The following ATP9B variants were observed in gnomAD, a reference collection of about 807,000 sequenced individuals.
The protein encoded by ATP9B is probable phospholipid-transporting ATPase IIB.
A neutral mutation model predicts 146.1 loss-of-function variants in ATP9B; 110 were observed. The observed-to-expected ratio is 0.75, with a 90% confidence interval of 0.65 to 0.88. ATP9B has a LOEUF of 0.88. Among genes scored for constraint, ATP9B ranks in the 40% least tolerant of loss-of-function variants. The pLI is 0.00. For synonymous variants in ATP9B, 604 were observed against 569.7 expected, an observed-to-expected ratio of 1.06 and a Z score of -0.86; for missense variants, 1,499 against 1,496.4, an observed-to-expected ratio of 1.00 and a Z score of -0.03.
chr18:79,163,210 G>A (rs1243391140), intron 7 of ATP9B, among the ~76,000 whole-genome samples: 2 of 152,140 alleles, frequency 1.3e-5, no homozygotes, highest in African/African-American at 2.4e-5. Flanking sequence ...TTATTGAAAG[G>A]TTAGTATTTT....
intron 7 of ATP9B, among the ~76,000 whole-genome samples, chr18:79,170,956 C>G (rs1329478712): frequency 3.3e-5 from 5 of 152,138 alleles, no homozygotes; most frequent in East Asian, 3.8e-4. Flanking sequence ...CTTGTTTTTG[C>G]CTTGGCTGTG....
chr18:79,278,742 C>T (rs1400430016), intron 13 of ATP9B, among the ~76,000 whole-genome samples: 1 of 152,106 alleles, frequency 6.6e-6, no homozygotes, highest in East Asian at 1.9e-4. Flanking sequence ...CCCAGTGACT[C>T]GGAGAGCAAT....
intron 7 of ATP9B, among the ~76,000 whole-genome samples, chr18:79,171,276 C>G (rs975009864): frequency 7.2e-5 from 11 of 151,752 alleles, no homozygotes; most frequent in African/African-American, 2.7e-4. Context: ...TGTTCATTTC[C>G]AAAATTTAAG....
chr18:79,197,130 C>A (rs1425760947), intron 9 of ATP9B, among the ~76,000 whole-genome samples: 1 of 152,120 alleles, frequency 6.6e-6, no homozygotes, highest in East Asian at 1.9e-4. Flanking sequence ...AGACAATATT[C>A]TCTGATCACA....
chr18:79,086,643 A>G (rs2073864041), intron 1 of ATP9B, among the ~76,000 whole-genome samples: 1 of 152,074 alleles, frequency 6.6e-6, no homozygotes, highest in Admixed American at 6.6e-5. Flanking sequence ...TTGGGTTTGC[A>G]TTTATATAAC....
chr18:79,339,070 ATGTCATGTTCGCAGTAGGAAGTG>A (rs1301803268), intron 19 of ATP9B, among the ~76,000 whole-genome samples: 2 of 152,000 alleles, frequency 1.3e-5, no homozygotes, highest in African/African-American at 4.8e-5. Context: ...AGTAGGAAGT[ATGTCATGTTCGCAGTAGGAAGTG>A]TGTCATGATC....
At chr18:79,223,423 G>A (rs1263223757) in intron 11 of ATP9B, among the ~76,000 whole-genome samples, 2 of 152,204 alleles carry the variant, frequency 1.3e-5, no homozygotes, top group South Asian at 4.2e-4. Flanking sequence ...ATACCGTAGA[G>A]TTTAAATACT....
intron 4 of ATP9B, among the ~76,000 whole-genome samples, chr18:79,120,480 T>C (rs2094169816): frequency 6.6e-6 from 1 of 152,226 alleles, no homozygotes; most frequent in South Asian, 2.1e-4. Context: ...ATATTATTTA[T>C]TAGCTTTAGG....
rs56408063 is a variant in ATP9B, at chr18:79,163,869, T to TACACACACACACACACACACACAC, written c.778+9328_778+9351dup. 5.5e-4 allele frequency among the ~76,000 whole-genome samples: 78 copies of TACACACACACACACACACACACAC among 142,778 alleles called. 1 individual carries two copies. The highest frequency in any genetic ancestry group is 1.6e-3 in the Admixed American group (23 of 14,082). The allele number at this position is 142,778 out of a possible 152,430, so 93.7% of individuals were successfully genotyped here. ...TATTTTATTTTCATATTTTATTTTA[T>TACACACACACACACACACACACAC]ACACACACACACACACACACACACA... On this transcript the variant is annotated intron_variant, in intron 7 of 29. Transcript: ENST00000426216.
At position 79,339,261 on chromosome 18, in the gene ATP9B, G is replaced by GATCACAGTAGGAAGTGTGTC. The variant is rs1442252378; in HGVS notation, c.2283+1815_2283+1834dup. On this transcript the variant is annotated intron_variant, in intron 19 of 29. Coordinates refer to ENST00000426216, the MANE Select transcript of ATP9B (RefSeq NM_198531.5). Reference sequence around the variant, plus strand: ...ATGATCATAGTAGGAAGTATGTCATGATCACAGTAGGAAGTGTGTCATGAT... The same window carrying GATCACAGTAGGAAGTGTGTC: ...ATGATCATAGTAGGAAGTATGTCATGATCACAGTAGGAAGTGTGTCATCACAGTAGGAAGTGTGTCATGAT... Among the ~76,000 whole-genome samples the GATCACAGTAGGAAGTGTGTC allele has an allele frequency of 5.3e-5, 8 of 152,100 alleles. No individual in the cohort carries two copies. The East Asian group carries it at 5.8e-4, about 11-fold the overall frequency.
At chr18:79,110,589 C>A in intron 3 of ATP9B, 84 bp downstream of exon 3, 1 of 1,343,632 alleles carries the variant, frequency 7.4e-7, no homozygotes, top group Non-Finnish European at 1.0e-6. Flanking sequence ...TGTTGAGACT[C>A]TGACTTAGGT....
intron 11 of ATP9B, among the ~76,000 whole-genome samples, chr18:79,243,873 C>T (rs1383249423): frequency 6.6e-6 from 1 of 152,188 alleles, no homozygotes; most frequent in African/African-American, 2.4e-5. Context: ...CTTGCACAAA[C>T]CATTAAATAT....
At chr18:79,265,500 A>C (rs750089582) in intron 12 of ATP9B, among the ~76,000 whole-genome samples, 12 of 152,108 alleles carry the variant, frequency 7.9e-5, no homozygotes, top group Non-Finnish European at 1.5e-4. Flanking sequence ...TCTTTTGAAA[A>C]GTGTCTTTTT....
At chr18:79,174,936 C>T (rs1236661861) in intron 7 of ATP9B, among the ~76,000 whole-genome samples, 5 of 152,096 alleles carry the variant, frequency 3.3e-5, no homozygotes, top group Non-Finnish European at 5.9e-5. Context: ...CGTGGTGGCT[C>T]ACACCTGTAA....
chr18:79,148,755 C>T (rs2094633685), intron 6 of ATP9B, among the ~76,000 whole-genome samples: 1 of 152,158 alleles, frequency 6.6e-6, no homozygotes, highest in Admixed American at 6.5e-5. Flanking sequence ...ATAAAAATGT[C>T]TCAATTTGCA....
At chr18:79,201,240 G>A (rs915731121) in intron 9 of ATP9B, among the ~76,000 whole-genome samples, 2 of 151,944 alleles carry the variant, frequency 1.3e-5, no homozygotes, top group African/African-American at 4.8e-5. Context: ...TTATTTTGAT[G>A]ATAGTTCTTG....
At chr18:79,354,138 C>T (rs1428941565) in intron 25 of ATP9B, 1 of 152,136 alleles carries the variant, frequency 6.6e-6, no homozygotes, top group African/African-American at 2.4e-5. Context: ...AGAATATAAC[C>T]TTTAGGTATC....
At chr18:79,295,769 C>T (rs139614437) in intron 13 of ATP9B, among the ~76,000 whole-genome samples, 4 of 152,236 alleles carry the variant, frequency 2.6e-5, no homozygotes, top group African/African-American at 4.8e-5. Flanking sequence ...GCAGAGCCCC[C>T]ATGAATGGGA....
intron 17 of ATP9B, among the ~76,000 whole-genome samples, chr18:79,334,670 C>A (rs1005755589): frequency 9.8e-5 from 15 of 152,286 alleles, no homozygotes; most frequent in Admixed American, 4.6e-4. Context: ...GTCTGCATCC[C>A]CCAGACGTTG....
Sources: allele counts gnomAD v4.1 joint callset (sites outside exome capture counted in the v4.1 genomes callset), GRCh38; gene constraint gnomAD v4.1.1; transcripts MANE v1.5; gene names NCBI Gene and HGNC (gene_info 2026-07-23, HGNC 2026-07-21).